ANKRD6: variants seen among roughly 807,000 people sequenced by gnomAD.
ANKRD6 encodes the protein ankyrin repeat domain-containing protein 6.
In ANKRD6, 56 loss-of-function variants were observed where a neutral mutation model predicts 82.3. The observed-to-expected ratio is 0.68, with a 90% CI of 0.55 to 0.85. The LOEUF is 0.85. ANKRD6 is among the 40% of genes least tolerant of loss of function. The probability of loss-of-function intolerance (pLI) is 0.00; values close to 1 mark genes in which losing one functional copy is unlikely to be tolerated. For missense variants in ANKRD6, 852 were observed against 907.6 expected, an observed-to-expected ratio of 0.94 and a Z score of 0.79; for synonymous variants, 347 against 352.1, an observed-to-expected ratio of 0.99 and a Z score of 0.16.
At chr6:89,625,467 G>T (rs1805319152) in intron 13 of ANKRD6, among the ~76,000 whole-genome samples, 3 of 151,974 alleles carry the variant, frequency 2.0e-5, no homozygotes, top group Non-Finnish European at 4.4e-5. Flanking sequence ...CAGAATAATG[G>T]AGTGAATGCT....
At chr6:89,486,923 A>G (rs1777444335) in intron 1 of ANKRD6, among the ~76,000 whole-genome samples, 1 of 152,224 alleles carries the variant, frequency 6.6e-6, no homozygotes, top group African/African-American at 2.4e-5. Context: ...CCAAAGTCCC[A>G]TCTCCAAATC....
intron 1 of ANKRD6, among the ~76,000 whole-genome samples, chr6:89,523,792 C>A (rs1782150531): frequency 6.6e-6 from 1 of 152,036 alleles, no homozygotes; most frequent in South Asian, 2.1e-4. Context: ...GCTAAGCCTG[C>A]AGAAATGTAT....
At chr6:89,510,236 T>C (rs920378148) in intron 1 of ANKRD6, among the ~76,000 whole-genome samples, 5 of 152,236 alleles carry the variant, frequency 3.3e-5, no homozygotes, top group African/African-American at 7.2e-5. Flanking sequence ...AATCAACTTA[T>C]GTTATTTAGC....
At chr6:89,506,440 G>A (rs1260623993) in intron 1 of ANKRD6, among the ~76,000 whole-genome samples, 2 of 152,010 alleles carry the variant, frequency 1.3e-5, no homozygotes, top group Non-Finnish European at 1.5e-5. Context: ...TCAGCCTCTC[G>A]AGTAGCTGGG....
At chr6:89,579,523 C>T (rs2128110984) in intron 2 of ANKRD6, among the ~76,000 whole-genome samples, 1 of 152,190 alleles carries the variant, frequency 6.6e-6, no homozygotes, top group East Asian at 1.9e-4. Flanking sequence ...GTAATCCCAG[C>T]ACTTTGGGAG....
At chr6:89,609,213 A>AG (rs1799569856) in intron 5 of ANKRD6, among the ~76,000 whole-genome samples, 2 of 152,370 alleles carry the variant, frequency 1.3e-5, no homozygotes, top group Admixed American at 1.3e-4. Context: ...TATCGCCGGT[A>AG]GTGCCTGGCT....
intron 1 of ANKRD6, among the ~76,000 whole-genome samples, chr6:89,488,862 A>G (rs1582878702): frequency 8.3e-6 from 1 of 120,964 alleles, no homozygotes; most frequent in Non-Finnish European, 1.8e-5. Context: ...CCCAAAATAT[A>G]TCGATCTATT....
chr6:89,548,203 T>G (rs1202156584), intron 1 of ANKRD6, among the ~76,000 whole-genome samples: 1 of 152,228 alleles, frequency 6.6e-6, no homozygotes, highest in Non-Finnish European at 1.5e-5. Context: ...TCCCTATTCT[T>G]TCTCCTGGCA....
chr6:89,542,216 T>G (rs774066143), intron 1 of ANKRD6, among the ~76,000 whole-genome samples: 2 of 152,204 alleles, frequency 1.3e-5, no homozygotes, highest in African/African-American at 2.4e-5. Context: ...GTAGTTAGAT[T>G]TCCTGAAAGC....
chr6:89,538,927 T>A (rs752946177), intron 1 of ANKRD6, among the ~76,000 whole-genome samples: 86 of 152,170 alleles, frequency 5.7e-4, no homozygotes, highest in Admixed American at 1.3e-3. Flanking sequence ...AAGAACAGAG[T>A]TTCAACAGAT....
chr6:89,629,420 A>G, intron 15 of ANKRD6, 182 bp downstream of exon 15: 1 of 789,502 alleles, frequency 1.3e-6, no homozygotes, highest in Non-Finnish European at 2.1e-6. Flanking sequence ...CTATGTAATA[A>G]TAAAGCACTC....
chr6:89,484,434 G>C (rs188567186), intron 1 of ANKRD6, among the ~76,000 whole-genome samples: 1 of 152,260 alleles, frequency 6.6e-6, no homozygotes, highest in Admixed American at 6.5e-5. Flanking sequence ...ACTGGATTGA[G>C]TAAGAGGAAA....
intron 1 of ANKRD6, among the ~76,000 whole-genome samples, chr6:89,524,856 G>A (rs1782276888): frequency 6.6e-6 from 1 of 151,868 alleles, no homozygotes; most frequent in African/African-American, 2.4e-5. Flanking sequence ...TAGTGTAAAA[G>A]TGTTCCCTAT....
At chr6:89,583,927 A>G (rs1252933093) in intron 2 of ANKRD6, among the ~76,000 whole-genome samples, 3 of 152,234 alleles carry the variant, frequency 2.0e-5, no homozygotes, top group African/African-American at 7.2e-5. Context: ...TGAGTGTTCA[A>G]TCAGCAAGCC....
intron 1 of ANKRD6, among the ~76,000 whole-genome samples, chr6:89,477,726 G>C (rs1256532762): frequency 4.1e-5 from 6 of 146,562 alleles, no homozygotes; most frequent in Non-Finnish European, 8.9e-5. Context: ...AGCCGAGATT[G>C]TGCCACTGCA....
intron 1 of ANKRD6, among the ~76,000 whole-genome samples, chr6:89,467,215 T>A (rs765047741): frequency 8.6e-5 from 13 of 151,132 alleles, no homozygotes; most frequent in Non-Finnish European, 1.5e-4. Context: ...AACAACTTTG[T>A]TAAATTAAGG....
chr6:89,512,640 T>C (rs1653196392), intron 1 of ANKRD6, among the ~76,000 whole-genome samples: 1 of 152,160 alleles, frequency 6.6e-6, no homozygotes, highest in African/African-American at 2.4e-5. Flanking sequence ...GGAGGAGATA[T>C]TTTCAGTGCT....
intron 5 of ANKRD6, among the ~76,000 whole-genome samples, chr6:89,609,863 G>A (rs991623003): frequency 2.6e-5 from 4 of 152,130 alleles, no homozygotes; most frequent in Admixed American, 1.3e-4. Flanking sequence ...ACCCACCTCG[G>A]CCTCCCAAGG....
intron 1 of ANKRD6, among the ~76,000 whole-genome samples, chr6:89,503,876 T>C (rs1408967574): frequency 6.6e-6 from 1 of 151,662 alleles, no homozygotes; most frequent in Non-Finnish European, 1.5e-5. Flanking sequence ...GCCTGGTGTG[T>C]TGGTAGAGGA....
Sources: gnomAD v4.1 joint callset for allele counts (sites outside exome capture counted in the v4.1 genomes callset) on GRCh38, gnomAD v4.1.1 for gene constraint, MANE v1.5 for transcripts, NCBI Gene and HGNC (gene_info 2026-07-23, HGNC 2026-07-21) for gene names.